The following DENND2A variants were observed in gnomAD, a reference collection of about 807,000 sequenced individuals.
DENND2A encodes DENN domain containing 2A.
Under a neutral mutation model 105.3 loss-of-function variants are expected in DENND2A, and 53 were observed. The observed-to-expected ratio is 0.50, with a 90% CI of 0.40 to 0.63. The LOEUF is 0.63. Among genes scored for constraint, DENND2A ranks in the 30% least tolerant of loss-of-function variants. The pLI, the probability that DENND2A is intolerant of heterozygous loss-of-function variation, is 0.00. For missense variants in DENND2A, 1,138 were observed against 1,279.6 expected, an observed-to-expected ratio of 0.89 and a Z score of 1.69; for synonymous variants, 522 against 508.4, an observed-to-expected ratio of 1.03 and a Z score of -0.36.
intron 1 of DENND2A, among the ~76,000 whole-genome samples, chr7:140,619,081 A>G (rs1800187970): frequency 6.6e-6 from 1 of 152,174 alleles, no homozygotes; most frequent in African/African-American, 2.4e-5. Context: ...TACAGGCATG[A>G]GCCACCGCGC....
intron 1 of DENND2A, among the ~76,000 whole-genome samples, chr7:140,630,317 C>T (rs565141632): frequency 1.2e-3 from 176 of 152,156 alleles, no homozygotes; most frequent in African/African-American, 4.0e-3. Context: ...CACCATGTTG[C>T]CCAGGCTCTT....
chr7:140,630,413 A>G (rs1336733105), intron 1 of DENND2A, among the ~76,000 whole-genome samples: 3 of 152,316 alleles, frequency 2.0e-5, no homozygotes, highest in African/African-American at 7.2e-5. Flanking sequence ...ATTCCCTACA[A>G]TGCCTAACCG....
Position 140,624,694 on chromosome 7 carries a change from C to T in DENND2A, c.-248+15810G>A, listed in dbSNP as rs548605992. 2.0e-5 allele frequency among the ~76,000 whole-genome samples: 3 copies of T among 152,004 alleles called. No homozygotes were observed. In the South Asian group the frequency reaches 6.2e-4, roughly 32 times the overall value. On this transcript the variant is annotated intron_variant, in intron 1 of 19. Transcript: ENST00000496613. ...GTTACACGTTCCATGTTCTTGAAGG[C>T]ATTTCTTTTCCTTTTTTTTTTCTTA...
intron 13 of DENND2A, among the ~76,000 whole-genome samples, chr7:140,545,136 C>T (rs556705994): frequency 2.4e-4 from 37 of 152,180 alleles, no homozygotes; most frequent in Non-Finnish European, 4.9e-4. Flanking sequence ...CTTTTGAAAA[C>T]GGTTCTGTCC....
At chr7:140,556,417 C>T (rs2130559752) in intron 11 of DENND2A, among the ~76,000 whole-genome samples, 1 of 152,284 alleles carries the variant, frequency 6.6e-6, no homozygotes, top group Non-Finnish European at 1.5e-5. Context: ...CAGCTCACTG[C>T]ACCCTCCACT....
intron 6 of DENND2A, among the ~76,000 whole-genome samples, chr7:140,571,694 C>G (rs192112795): frequency 2.0e-5 from 3 of 152,030 alleles, no homozygotes. Flanking sequence ...TATATACATA[C>G]GATGGAATAC....
chr7:140,585,641 A>T lies in DENND2A; in HGVS notation c.1193T>A (p.Val398Asp), dbSNP rs375591057. ...GGTGGGAGAAGCAGGAAAATTCAAG[A>T]CACACTTCTTTCCCAGGCAGCGACC... is the stretch of plus-strand genomic sequence containing the variant. ...LHGRCLGKKC[V>D]LNFPASPTSS... Residue 398 changes from valine (V) to aspartate (D), a missense_variant, in exon 5 of 20, where the codon GTC becomes GAC. This residue lies in a region of DENND2A where 511 missense variants were observed against 499.9 expected (regional missense o/e 1.02). Coordinates refer to ENST00000496613, the MANE Select transcript of DENND2A (RefSeq NM_015689.5). 6.2e-7 allele frequency: 1 copy of T among 1,614,094 alleles called. No individual in the cohort carries two copies. Among genetic ancestry groups the T allele is most frequent in the Non-Finnish European group, 8.5e-7 (1 of 1,180,004 alleles).
At chr7:140,624,970 G>A (rs1462228462) in intron 1 of DENND2A, among the ~76,000 whole-genome samples, 1 of 149,884 alleles carries the variant, frequency 6.7e-6, no homozygotes, top group Non-Finnish European at 1.5e-5. Context: ...CAATCTTCCT[G>A]CTTCTGCCTC....
At chr7:140,607,135 CCTT>C (rs1257723638) in intron 1 of DENND2A, among the ~76,000 whole-genome samples, 4 of 152,170 alleles carry the variant, frequency 2.6e-5, no homozygotes, top group Admixed American at 1.3e-4. Flanking sequence ...TCTCCCAACT[CCTT>C]CTTCAGTTTC....
intron 14 of DENND2A, among the ~76,000 whole-genome samples, chr7:140,533,561 AGAT>A (rs1477448762): frequency 6.6e-6 from 1 of 152,212 alleles, no homozygotes; most frequent in African/African-American, 2.4e-5. Flanking sequence ...TGCCGGTGCT[AGAT>A]GCAGAGGCTG....
At chr7:140,561,887 T>C (rs1358056516) in intron 9 of DENND2A, among the ~76,000 whole-genome samples, 1 of 151,836 alleles carries the variant, frequency 6.6e-6, no homozygotes, top group Non-Finnish European at 1.5e-5. Flanking sequence ...AGATCCACTT[T>C]ATTTATTTAT....
intron 1 of DENND2A, among the ~76,000 whole-genome samples, chr7:140,630,397 C>T (rs569497324): frequency 1.3e-5 from 2 of 152,170 alleles, no homozygotes; most frequent in Non-Finnish European, 2.9e-5. Flanking sequence ...GCACTGGCTT[C>T]TTTTTATTCC....
intron 1 of DENND2A, among the ~76,000 whole-genome samples, chr7:140,639,711 T>A (rs775306190): frequency 1.6e-4 from 24 of 149,754 alleles, no homozygotes; most frequent in Non-Finnish European, 2.9e-4. Context: ...GGAAGTCACA[T>A]TCCTGAATCG....
rs1252135369 is a variant in DENND2A, at chr7:140,527,880, G to A, written c.2328-385C>T. Among the ~76,000 whole-genome samples the A allele has an allele frequency of 6.6e-6, 1 of 151,874 alleles. No homozygotes were observed. The highest frequency in any genetic ancestry group is 6.6e-5 in the Admixed American group (1 of 15,244). ...GACGGAGTCTCACTCTGTTGCCCAGGCTGGGGTGCAGTGGCGTGATTTGGG... is the reference window on the plus strand; with the variant it reads ...GACGGAGTCTCACTCTGTTGCCCAGACTGGGGTGCAGTGGCGTGATTTGGG... On this transcript the variant is annotated intron_variant, in intron 14 of 19. Transcript: ENST00000496613. The surrounding 1 kb of genome is among the most constrained non-coding windows in gnomAD (Gnocchi z 4.9).
chr7:140,588,766 CTT>C (rs34456581), intron 3 of DENND2A, among the ~76,000 whole-genome samples: 3,745 of 136,784 alleles, frequency 0.027, 91 homozygotes, highest in African/African-American at 0.062. Flanking sequence ...TTTTTTGGCA[CTT>C]TTTTTTTTTT....
chr7:140,539,321 T>TG lies in DENND2A; in HGVS notation c.2327+5296dup, dbSNP rs909821281. ...AGAGTTTCAAAGCTGGGGGAGGCCT[T>TG]GGGGGTGACCTGATCATACCTGTCT... On this transcript the variant is annotated intron_variant, in intron 14 of 19. Transcript: ENST00000496613. Among the ~76,000 whole-genome samples the TG allele has an allele frequency of 3.3e-5, 5 of 152,088 alleles. No homozygotes were observed. The South Asian group carries it at 8.3e-4, about 25-fold the overall frequency.
chr7:140,544,387 G>C (rs895756341), intron 14 of DENND2A: 6 of 601,774 alleles, frequency 1.0e-5, no homozygotes, highest in African/African-American at 1.9e-5. Context: ...TAGAGACGGA[G>C]TTTCACCATG....
At chr7:140,562,844 A>G (rs927193601) in intron 9 of DENND2A, among the ~76,000 whole-genome samples, 1 of 152,220 alleles carries the variant, frequency 6.6e-6, no homozygotes, top group Non-Finnish European at 1.5e-5. Flanking sequence ...TCTTCTTCAG[A>G]ATAAATAGCC....
rs752752647 is a variant in DENND2A, at chr7:140,559,776, T to C, written c.1821A>G (p.Gln607=). The C allele has an allele frequency of 3.1e-6, 5 of 1,614,014 alleles. No individual in the cohort carries two copies. The Admixed American group carries it at 6.7e-5, about 22-fold the overall frequency. Residue 607 remains glutamine (Q), a synonymous_variant, in exon 10 of 20, where the codon CAA becomes CAG. Coordinates refer to ENST00000496613, the MANE Select transcript of DENND2A (RefSeq NM_015689.5). The surrounding 1 kb of genome is among the most constrained non-coding windows in gnomAD (Gnocchi z 4.1). ...AACAGAACTGGGGAATGGCCTTCAG[T>C]TGGTCCTCAGCTTCTCTCATGAACT... ...SFKFMREAED[Q]LKAIPQFCFP...
Sources: gnomAD v4.1 joint callset for allele counts (sites outside exome capture counted in the v4.1 genomes callset) on GRCh38, gnomAD v4.1.1 for gene constraint, gnomAD v4.1.1 regional missense constraint, Gnocchi (gnomAD v3.1) non-coding constraint, MANE v1.5 for transcripts, NCBI Gene and HGNC (gene_info 2026-07-23, HGNC 2026-07-21) for gene names.